UNC5D: variants seen among roughly 807,000 people sequenced by gnomAD.
The protein encoded by UNC5D is unc-5 netrin receptor D.
UNC5D carries 39 observed loss-of-function variants against 105.4 expected under a neutral mutation model. That is an observed-to-expected ratio of 0.37 (90% CI 0.29 to 0.48). The LOEUF is 0.48. Ranked by LOEUF, UNC5D falls within the 20% of genes least tolerant of loss-of-function variation. The probability of loss-of-function intolerance (pLI) is 0.98; values close to 1 mark genes in which losing one functional copy is unlikely to be tolerated. For missense variants in UNC5D, 991 were observed against 1,202.4 expected, an observed-to-expected ratio of 0.82 and a Z score of 2.60; for synonymous variants, 452 against 450.4, an observed-to-expected ratio of 1.00 and a Z score of -0.04.
chr8:35,416,723 A>T (rs1391095150), intron 1 of UNC5D, among the ~76,000 whole-genome samples: 1 of 152,184 alleles, frequency 6.6e-6, no homozygotes, highest in Non-Finnish European at 1.5e-5. Flanking sequence ...AAAAATGTCC[A>T]TGGCCTTGGT....
intron 1 of UNC5D, among the ~76,000 whole-genome samples, chr8:35,459,682 ATGTT>A (rs1338159748): frequency 2.0e-5 from 3 of 152,200 alleles, no homozygotes; most frequent in African/African-American, 4.8e-5. Flanking sequence ...GGTGAAGGAA[ATGTT>A]TGTTTGTTTT....
intron 7 of UNC5D, among the ~76,000 whole-genome samples, chr8:35,690,083 C>T (rs1826283277): frequency 6.6e-6 from 1 of 152,138 alleles, no homozygotes; most frequent in Non-Finnish European, 1.5e-5. Flanking sequence ...TAATTTCTTC[C>T]ATTTCCTTTT....
chr8:35,548,554 A>G (rs909992911), intron 1 of UNC5D, among the ~76,000 whole-genome samples: 1 of 152,084 alleles, frequency 6.6e-6, no homozygotes, highest in Non-Finnish European at 1.5e-5. Context: ...TGCTTCCTCC[A>G]TTTCCTAAGG....
At chr8:35,406,104 G>T (rs367658222) in intron 1 of UNC5D, among the ~76,000 whole-genome samples, 22 of 152,036 alleles carry the variant, frequency 1.4e-4, no homozygotes, top group East Asian at 1.2e-3. Flanking sequence ...CATATTTCAG[G>T]CTTGATAGTA....
intron 1 of UNC5D, among the ~76,000 whole-genome samples, chr8:35,427,979 A>G (rs866950110): frequency 6.6e-6 from 1 of 152,182 alleles, no homozygotes; most frequent in African/African-American, 2.4e-5. Flanking sequence ...TTCAATAACA[A>G]AGTCTTCTGG....
chr8:35,321,227 A>T (rs1291558705), intron 1 of UNC5D, among the ~76,000 whole-genome samples: 1 of 152,184 alleles, frequency 6.6e-6, no homozygotes, highest in East Asian at 1.9e-4. Flanking sequence ...AAACTATCAT[A>T]CAGCTTGTTC....
intron 11 of UNC5D, among the ~76,000 whole-genome samples, chr8:35,736,970 G>C (rs73586711): frequency 0.032 from 4,890 of 152,158 alleles, 272 homozygotes; most frequent in African/African-American, 0.11. Context: ...GATAGATTCT[G>C]TTTCATCTCC....
At chr8:35,502,623 A>G (rs779701451) in intron 1 of UNC5D, among the ~76,000 whole-genome samples, 4 of 151,952 alleles carry the variant, frequency 2.6e-5, no homozygotes, top group Admixed American at 2.0e-4. Context: ...CAGTGGTGCG[A>G]TCTTGGCTCA....
At position 35,760,190 on chromosome 8, in the gene UNC5D, C is replaced by G. The variant is rs369133341; in HGVS notation, c.2313+721C>G. ...TCCTGAGCAGCTGGATTACAGGTGCCCGTCACCATGCCCAGCTAATTTTTC... is the reference window on the plus strand; with the variant it reads ...TCCTGAGCAGCTGGATTACAGGTGCGCGTCACCATGCCCAGCTAATTTTTC... On this transcript the variant is annotated intron_variant, in intron 14 of 16. Transcript: ENST00000404895. Among the ~76,000 whole-genome samples the G allele has an allele frequency of 3.3e-5, 5 of 151,796 alleles. No individual in the cohort carries two copies. In the East Asian group the frequency reaches 9.7e-4, roughly 30 times the overall value.
intron 4 of UNC5D, among the ~76,000 whole-genome samples, chr8:35,682,195 C>T (rs1825714440): frequency 1.3e-5 from 2 of 152,164 alleles, no homozygotes; most frequent in South Asian, 4.1e-4. Context: ...CAATTCCTGA[C>T]CTCGTGATCT....
intron 16 of UNC5D, among the ~76,000 whole-genome samples, chr8:35,776,083 T>C (rs1485894054): frequency 1.3e-5 from 2 of 152,008 alleles, no homozygotes; most frequent in African/African-American, 4.8e-5. Context: ...GATCCAAAAA[T>C]GAAAAATGAA....
chr8:35,702,822 T>C (rs1271958560), intron 7 of UNC5D, among the ~76,000 whole-genome samples: 1 of 152,104 alleles, frequency 6.6e-6, no homozygotes, highest in Non-Finnish European at 1.5e-5. Context: ...TAAAACCCTC[T>C]TGGGCACCAG....
intron 3 of UNC5D, among the ~76,000 whole-genome samples, chr8:35,575,660 T>C (rs1411483957): frequency 6.6e-6 from 1 of 152,238 alleles, no homozygotes; most frequent in Non-Finnish European, 1.5e-5. Flanking sequence ...AGACCGATGC[T>C]CAACACTTGG....
In UNC5D at chr8:35,749,194, T is replaced by C. The variant is rs1448764079; in HGVS notation, c.1935+499T>C. 2.0e-5 allele frequency among the ~76,000 whole-genome samples: 3 copies of C among 152,210 alleles called. No homozygotes were observed. In the East Asian group the frequency reaches 5.8e-4, roughly 29 times the overall value. On this transcript the variant is annotated intron_variant, in intron 12 of 16. Coordinates refer to ENST00000404895, the MANE Select transcript of UNC5D (RefSeq NM_080872.4). ...TAGTTAACGAATGCATTGAGAATTA[T>C]TATCAGTGTCTATTTCCTGTGTGTA...
intron 1 of UNC5D, among the ~76,000 whole-genome samples, chr8:35,248,970 TA>T (rs1803459369): frequency 1.1e-5 from 1 of 88,654 alleles, no homozygotes; most frequent in Non-Finnish European, 2.0e-5. Context: ...TAATATATAT[TA>T]TATATTTTTA....
intron 3 of UNC5D, among the ~76,000 whole-genome samples, chr8:35,576,077 C>T (rs865790152): frequency 6.6e-6 from 1 of 152,332 alleles, no homozygotes; most frequent in East Asian, 1.9e-4. Context: ...ACCACATAGA[C>T]TTTTTGCAGC....
intron 2 of UNC5D, among the ~76,000 whole-genome samples, chr8:35,565,757 G>A (rs1372538781): frequency 6.6e-6 from 1 of 152,120 alleles, no homozygotes. Context: ...TATGGTGAGA[G>A]GGATCCAGTT....
In UNC5D at chr8:35,308,533, G is replaced by A. The variant is rs77145160; in HGVS notation, c.103+72646G>A. On this transcript the variant is annotated intron_variant, in intron 1 of 16. Coordinates refer to ENST00000404895, the MANE Select transcript of UNC5D (RefSeq NM_080872.4). ...GACCTTCACAATGGTCCCCAGTGCCGTTCAGTGAATGATAATCTGTTTGAA... is the reference window on the plus strand; with the variant it reads ...GACCTTCACAATGGTCCCCAGTGCCATTCAGTGAATGATAATCTGTTTGAA... Among the ~76,000 whole-genome samples the A allele has an allele frequency of 7.3e-3, 1,114 of 152,128 alleles. 10 individuals carry two copies. The highest frequency in any genetic ancestry group is 0.025 in the African/African-American group (1,042 of 41,486).
rs183949147 is a variant in UNC5D, at chr8:35,701,204, A to C, written c.1085-4725A>C. On this transcript the variant is annotated intron_variant, in intron 7 of 16. Coordinates refer to ENST00000404895, the MANE Select transcript of UNC5D (RefSeq NM_080872.4). ...CTGGGTATTTAGTCTACATTTAAGC[A>C]ACCCTACTAACTGAATCTTAAAAAT... 2.0e-4 allele frequency among the ~76,000 whole-genome samples: 31 copies of C among 152,330 alleles called. No individual in the cohort carries two copies. In the East Asian group the frequency reaches 5.8e-3, roughly 28 times the overall value.
Sources: allele counts gnomAD v4.1 joint callset (sites outside exome capture counted in the v4.1 genomes callset), GRCh38; gene constraint gnomAD v4.1.1; transcripts MANE v1.5; gene names NCBI Gene and HGNC (gene_info 2026-07-23, HGNC 2026-07-21).